The following HMCN2 variants were observed in gnomAD, a reference collection of about 807,000 sequenced individuals.
HMCN2 encodes the protein hemicentin 2.
HMCN2 carries 325 observed loss-of-function variants against 377.5 expected under a neutral mutation model. The ratio of observed to expected loss-of-function variants is 0.86; its 90% CI spans 0.79 to 0.94. The LOEUF is 0.94. Among genes scored for constraint, HMCN2 ranks in the 40% least tolerant of loss-of-function variants. The pLI is 0.00. For missense variants in HMCN2, 4,543 were observed against 4,725.3 expected, an observed-to-expected ratio of 0.96 and a Z score of 1.13; for synonymous variants, 2,007 against 2,046.8, an observed-to-expected ratio of 0.98 and a Z score of 0.53.
At chr9:130,301,510 G>T (rs1836512211) in intron 8 of HMCN2, among the ~76,000 whole-genome samples, 1 of 152,186 alleles carries the variant, frequency 6.6e-6, no homozygotes, top group Non-Finnish European at 1.5e-5. Flanking sequence ...GATGAGGGTG[G>T]GCCTGTGGTC....
rs948918322 is a variant in HMCN2 at position 130,333,893 on chromosome 9, C to T, written c.3360-4001C>T. ...CTCTCTGTGCCAGGTCTGAGCAGGT[C>T]CTGGAGATACCAAGAGAAATAAGAC... On this transcript the variant is annotated intron_variant, in intron 22 of 97. Coordinates refer to ENST00000683500, the MANE Select transcript of HMCN2 (RefSeq NM_001291815.2). Among the ~76,000 whole-genome samples, 5 of 152,160 alleles carry T rather than the reference C, an allele frequency of 3.3e-5. No homozygotes were observed. The South Asian group carries it at 1.0e-3, about 32-fold the overall frequency.
At chr9:130,277,766 CCACCACCATCATCAT>C (rs1564739331) in intron 1 of HMCN2, among the ~76,000 whole-genome samples, 8 of 132,428 alleles carry the variant, frequency 6.0e-5, no homozygotes, top group Non-Finnish European at 9.7e-5. Context: ...ATCATCATCA[CCACCACCATCATCAT>C]CACCACCACC....
intron 66 of HMCN2, among the ~76,000 whole-genome samples, chr9:130,392,806 C>G (rs1428542965): frequency 6.6e-6 from 1 of 152,064 alleles, no homozygotes; most frequent in African/African-American, 2.4e-5. Context: ...ACCATCCTGG[C>G]TAACACGGTG....
chr9:130,428,019 CT>C lies in HMCN2; in HGVS notation c.14066-338del, dbSNP rs1844492239. On this transcript the variant is annotated intron_variant, in intron 92 of 97. Transcript: ENST00000683500. This position sits in a 1 kb window ranked among gnomAD's most constrained non-coding sequence, Gnocchi z 5.0. ...ACAAATCTGACCTCAGGTGATGGTGCTGACGCTGACCCCCAGTCTGCATCCC... is the reference window on the plus strand; with the variant it reads ...ACAAATCTGACCTCAGGTGATGGTGCGACGCTGACCCCCAGTCTGCATCCC... 2.0e-5 allele frequency among the ~76,000 whole-genome samples: 3 copies of C among 152,212 alleles called. No individual in the cohort carries two copies. Among genetic ancestry groups the C allele is most frequent in the Admixed American group, 2.0e-4 (3 of 15,278 alleles).
At chr9:130,352,321 G>A (rs958494762) in intron 30 of HMCN2, among the ~76,000 whole-genome samples, 2 of 152,186 alleles carry the variant, frequency 1.3e-5, no homozygotes, top group East Asian at 1.9e-4. Context: ...GTAAATTCTC[G>A]AGGCGTGGAC....
Position 130,351,326 on chromosome 9 carries a change from C to A in HMCN2, c.4431-97C>A. 1 of 1,001,886 alleles carries A rather than the reference C, an allele frequency of 1.0e-6. No homozygotes were observed. The highest frequency in any genetic ancestry group is 1.3e-6 in the Non-Finnish European group (1 of 758,632). 62.1% of individuals were successfully genotyped at this position (1,001,886 alleles called of 1,614,324 possible). The stretch of plus-strand genomic sequence containing the variant: ...CACCTCTTGGCGCTAATGAATGGCC[C>A]AGCCTCGCTTTTTACAAGCCACACA... On this transcript the variant is annotated intron_variant, in intron 29 of 97. Transcript: ENST00000683500. The surrounding 1 kb of genome is among the most constrained non-coding windows in gnomAD (Gnocchi z 5.4).
intron 59 of HMCN2, among the ~76,000 whole-genome samples, chr9:130,385,182 TG>T (rs577105443): frequency 3.6e-4 from 55 of 151,848 alleles, no homozygotes; most frequent in African/African-American, 1.2e-3. Context: ...GCTAGGCCTG[TG>T]GGCTCACAGC....
intron 32 of HMCN2, 94 bp downstream of exon 32, chr9:130,355,138 G>C: frequency 1.9e-6 from 2 of 1,031,252 alleles, no homozygotes; most frequent in South Asian, 3.2e-5. Context: ...CTGGAGTGGA[G>C]GGAGGGTGGG....
Position 130,386,524 on chromosome 9 carries a change from G to A in HMCN2, c.9391G>A (p.Val3131Met). 7.7e-7 allele frequency: 1 copy of A among 1,302,628 alleles called. No homozygotes were observed. The highest frequency in any genetic ancestry group is 1.2e-5 in the South Asian group (1 of 80,938). 80.7% of individuals were successfully genotyped at this position (1,302,628 alleles called of 1,614,324 possible). A position where few individuals can be genotyped will look rare whatever the true frequency, so the allele number is the denominator to read the frequency against. Reference protein sequence around the residue: ...AVRTFTLTVQVPPTFENPKTE... With the variant: ...AVRTFTLTVQMPPTFENPKTE... ...GCGGACCTTCACCCTCACCGTCCAG[G>A]GTAAGCCAGGGACCAGCCTAGCCAA... is the stretch of plus-strand genomic sequence containing the variant. The change falls in exon 61 of 98, where the codon GTG becomes ATG. Residue 3131 changes from valine (V) to methionine (M), a missense_variant and splice_region_variant. Physicochemically the swap from Val to Met is conservative, Grantham distance 21. Coordinates refer to ENST00000683500, the MANE Select transcript of HMCN2 (RefSeq NM_001291815.2).
Position 130,388,681 on chromosome 9 carries a change from C to G in HMCN2, c.9523+141C>G, listed in dbSNP as rs528669064. On this transcript the variant is annotated intron_variant, in intron 62 of 97. Coordinates refer to ENST00000683500, the MANE Select transcript of HMCN2 (RefSeq NM_001291815.2). ...CTGGCAGTGCCGTGTTGCCCCCCCC[C>G]CCACCATTTGTGTTTGAGTGAAGCG... 45 of 382,210 alleles carry G rather than the reference C, an allele frequency of 1.2e-4. 1 individual carries two copies. The highest frequency in any genetic ancestry group is 7.3e-4 in the South Asian group (7 of 9,542). The allele number at this position is 382,210 out of a possible 1,614,324, so 23.7% of individuals were successfully genotyped here.
intron 78 of HMCN2, 39 bp downstream of exon 78, chr9:130,402,935 C>G: frequency 7.9e-7 from 1 of 1,270,032 alleles, no homozygotes; most frequent in Non-Finnish European, 1.0e-6. Flanking sequence ...TTCCTAGGGC[C>G]AGGGGAGCAG....
At chr9:130,409,954 G>T (rs747067879) in intron 84 of HMCN2, among the ~76,000 whole-genome samples, 24 of 152,224 alleles carry the variant, frequency 1.6e-4, no homozygotes, top group Non-Finnish European at 2.8e-4. Flanking sequence ...CAGAAGTGAT[G>T]TGAGCCAGCG....
At position 130,293,279 on chromosome 9, in the gene HMCN2, G is replaced by GTTTTTTTTT. The variant is rs71387339; in HGVS notation, c.613-1563_613-1555dup. 1.3e-3 allele frequency among the ~76,000 whole-genome samples: 74 copies of GTTTTTTTTT among 57,112 alleles called. 6 individuals carry two copies. Among genetic ancestry groups the GTTTTTTTTT allele is most frequent in the Non-Finnish European group, 1.6e-3 (58 of 37,288 alleles). 37.5% of individuals were successfully genotyped at this position (57,112 alleles called of 152,430 possible). The stretch of plus-strand genomic sequence containing the variant: ...TTCCAAATAAAATCTACTCACTAAA[G>GTTTTTTTTT]TTTTTTTTTTTTTTTTTTTTTGCGG... On this transcript the variant is annotated intron_variant, in intron 4 of 97. Transcript: ENST00000683500.
intron 85 of HMCN2, 59 bp from the exon 86 acceptor site, chr9:130,418,713 C>T (rs915036150): frequency 7.5e-7 from 1 of 1,335,990 alleles, no homozygotes; most frequent in African/African-American, 1.5e-5. Context: ...ATGAACATAT[C>T]CCACTTGAAT....
intron 15 of HMCN2, 50 bp downstream of exon 15, chr9:130,310,111 C>T (rs1554938540): frequency 4.3e-6 from 2 of 470,342 alleles, no homozygotes; most frequent in Non-Finnish European, 8.9e-6. Context: ...CCTTTCCCAG[C>T]CCTCTGCCTG....
intron 85 of HMCN2, among the ~76,000 whole-genome samples, chr9:130,410,955 G>A (rs1481709139): frequency 6.6e-6 from 1 of 152,168 alleles, no homozygotes; most frequent in Non-Finnish European, 1.5e-5. Context: ...TTTACCAGGC[G>A]CTGTTTGAGC....
chr9:130,268,776 G>C (rs574769139), intron 1 of HMCN2, among the ~76,000 whole-genome samples: 10 of 149,068 alleles, frequency 6.7e-5, no homozygotes, highest in African/African-American at 2.4e-4. Context: ...GGAGGGACAG[G>C]TGTGTGTGGG....
chr9:130,288,494 G>A (rs970438537), intron 4 of HMCN2, among the ~76,000 whole-genome samples: 1 of 152,202 alleles, frequency 6.6e-6, no homozygotes, highest in Non-Finnish European at 1.5e-5. Flanking sequence ...CCAGGGCTGC[G>A]GTCACCCTCC....
At chr9:130,401,094 C>A (rs770393661) in intron 77 of HMCN2, 147 bp downstream of exon 77, 6 of 642,482 alleles carry the variant, frequency 9.3e-6, no homozygotes, top group Admixed American at 3.9e-5. Flanking sequence ...AGGACCCTCT[C>A]GCCCTCTCTG....
Sources: gnomAD v4.1 joint callset for allele counts (sites outside exome capture counted in the v4.1 genomes callset) on GRCh38, gnomAD v4.1.1 for gene constraint, Gnocchi (gnomAD v3.1) non-coding constraint, MANE v1.5 for transcripts, NCBI Gene and HGNC (gene_info 2026-07-23, HGNC 2026-07-21) for gene names.